Variants in EPHA6 observed in about 807,000 individuals in gnomAD.
EPHA6 encodes ephrin type-A receptor 6.
In EPHA6, 50 loss-of-function variants were observed where a neutral mutation model predicts 112.0. The ratio of observed to expected loss-of-function variants is 0.45; its 90% CI spans 0.36 to 0.56. The LOEUF (loss-of-function observed/expected upper bound fraction) is 0.56, where lower values mean the gene tolerates loss of function less well. Ranked by LOEUF, EPHA6 falls within the 20% of genes least tolerant of loss-of-function variation. The pLI, the probability that EPHA6 is intolerant of heterozygous loss-of-function variation, is 0.00. For missense variants in EPHA6, 1,280 were observed against 1,417.4 expected (o/e 0.90, Z 1.56); for synonymous variants, 529 against 490.7 (o/e 1.08, Z -1.03).
At chr3:97,282,214 G>A (rs984499034) in intron 5 of EPHA6, among the ~76,000 whole-genome samples, 2 of 152,120 alleles carry the variant, frequency 1.3e-5, no homozygotes, top group Non-Finnish European at 2.9e-5. Context: ...TGTTCAATAT[G>A]TACAGAGAAA....
chr3:97,153,651 T>C (rs1265248955), intron 3 of EPHA6, among the ~76,000 whole-genome samples: 4 of 152,100 alleles, frequency 2.6e-5, no homozygotes, highest in Admixed American at 2.6e-4. Flanking sequence ...CCTTAAAACT[T>C]CTGGGAATAA....
chr3:97,220,978 T>C (rs2078177726), intron 3 of EPHA6, among the ~76,000 whole-genome samples: 1 of 152,104 alleles, frequency 6.6e-6, no homozygotes. Context: ...ATTTAAATAA[T>C]AAATCTTTAT....
chr3:97,355,388 TGTTA>T (rs950741488), intron 5 of EPHA6, among the ~76,000 whole-genome samples: 48 of 152,118 alleles, frequency 3.2e-4, no homozygotes, highest in African/African-American at 1.2e-3. Context: ...TTAGAGTGTT[TGTTA>T]GTTATCTCTT....
intron 5 of EPHA6, among the ~76,000 whole-genome samples, chr3:97,316,071 T>G (rs1349386064): frequency 6.6e-6 from 1 of 151,892 alleles, no homozygotes; most frequent in African/African-American, 2.4e-5. Flanking sequence ...AAACATTATT[T>G]AGAACCCTTA....
At chr3:97,248,281 C>G (rs979868318) in intron 5 of EPHA6, among the ~76,000 whole-genome samples, 5 of 152,040 alleles carry the variant, frequency 3.3e-5, no homozygotes, top group African/African-American at 1.2e-4. Context: ...TTGCAACCTT[C>G]TGTTTTCATA....
At chr3:97,332,192 T>C (rs563556212) in intron 5 of EPHA6, among the ~76,000 whole-genome samples, 10 of 152,226 alleles carry the variant, frequency 6.6e-5, no homozygotes, top group African/African-American at 2.4e-4. Context: ...AAAAGGCCTT[T>C]GACAAAATTC....
intron 3 of EPHA6, among the ~76,000 whole-genome samples, chr3:97,186,712 AG>A (rs1217224720): frequency 6.6e-6 from 1 of 152,114 alleles, no homozygotes; most frequent in Non-Finnish European, 1.5e-5. Context: ...ATGAATCTTG[AG>A]GATCATTCAT....
At chr3:97,496,643 G>A (rs2091985415) in intron 10 of EPHA6, among the ~76,000 whole-genome samples, 1 of 151,968 alleles carries the variant, frequency 6.6e-6, no homozygotes, top group Non-Finnish European at 1.5e-5. Flanking sequence ...CCTATCTTAG[G>A]TGAATTTGGC....
At chr3:97,479,268 G>C (rs772198190) in intron 8 of EPHA6, 26 bp from the exon 9 acceptor site, 2 of 1,181,088 alleles carry the variant, frequency 1.7e-6, no homozygotes, top group Non-Finnish European at 2.3e-6. Context: ...CTTAAAACAA[G>C]TTTTTTTTTT....
chr3:96,880,415 A>C (rs2037242891), intron 2 of EPHA6, among the ~76,000 whole-genome samples: 1 of 152,188 alleles, frequency 6.6e-6, no homozygotes, highest in Admixed American at 6.5e-5. Context: ...AGAAATTGAA[A>C]GATATACCTG....
intron 14 of EPHA6, among the ~76,000 whole-genome samples, chr3:97,652,980 T>A (rs1280258423): frequency 6.6e-6 from 1 of 151,612 alleles, no homozygotes; most frequent in Non-Finnish European, 1.5e-5. Flanking sequence ...AAATGAGGAG[T>A]TTAAGTATTG....
At chr3:97,498,393 A>G (rs1374062561) in intron 10 of EPHA6, among the ~76,000 whole-genome samples, 1 of 151,480 alleles carries the variant, frequency 6.6e-6, no homozygotes, top group Non-Finnish European at 1.5e-5. Flanking sequence ...TGCTTGCCAG[A>G]GTTGTACGTC....
At chr3:97,265,494 G>A (rs145181206) in intron 5 of EPHA6, among the ~76,000 whole-genome samples, 123 of 152,294 alleles carry the variant, frequency 8.1e-4, no homozygotes, top group Non-Finnish European at 7.4e-4. Context: ...CTGTGACAGC[G>A]CCTGGGCTCA....
At chr3:97,244,318 A>T (rs760622374) in intron 5 of EPHA6, 31 bp downstream of exon 5, 9 of 1,589,312 alleles carry the variant, frequency 5.7e-6, no homozygotes, top group Non-Finnish European at 6.0e-6. Context: ...CTCAAAACAG[A>T]CCCATAATTT....
intron 1 of EPHA6, among the ~76,000 whole-genome samples, chr3:96,840,033 AAG>A (rs150638102): frequency 0.013 from 1,997 of 152,184 alleles, 45 homozygotes; most frequent in African/African-American, 0.044. Context: ...AGAGTATTGA[AAG>A]AGTTGATGGA....
intron 14 of EPHA6, among the ~76,000 whole-genome samples, chr3:97,664,542 C>T (rs1200648561): frequency 6.6e-6 from 1 of 152,132 alleles, no homozygotes; most frequent in African/African-American, 2.4e-5. Flanking sequence ...TCCCTGTTTG[C>T]AGATGACATG....
intron 3 of EPHA6, among the ~76,000 whole-genome samples, chr3:97,141,767 G>A (rs180973037): frequency 1.3e-4 from 20 of 151,882 alleles, no homozygotes; most frequent in Admixed American, 9.8e-4. Flanking sequence ...CGTAACTCAA[G>A]GAACTAGAAA....
intron 10 of EPHA6, among the ~76,000 whole-genome samples, chr3:97,484,434 A>G (rs1422574795): frequency 2.0e-5 from 3 of 152,226 alleles, no homozygotes; most frequent in African/African-American, 7.2e-5. Flanking sequence ...TGCAAGACAC[A>G]GAAAAGTTCT....
chr3:96,917,510 GA>G (rs886991791), intron 2 of EPHA6, among the ~76,000 whole-genome samples: 1 of 151,070 alleles, frequency 6.6e-6, no homozygotes, highest in Non-Finnish European at 1.5e-5. Flanking sequence ...CAATGCTGTG[GA>G]AAAAAAATAA....
Sources: allele counts gnomAD v4.1 joint callset (sites outside exome capture counted in the v4.1 genomes callset), GRCh38; gene constraint gnomAD v4.1.1; transcripts MANE v1.5; gene names NCBI Gene and HGNC (gene_info 2026-07-23, HGNC 2026-07-21).